IGF1R: variants seen among roughly 807,000 people sequenced by gnomAD.
IGF1R encodes insulin-like growth factor 1 receptor.
In IGF1R, 44 loss-of-function variants were observed where a neutral mutation model predicts 144.6. That is an observed-to-expected ratio of 0.30 (90% CI 0.24 to 0.39). The LOEUF is 0.39. Ranked by LOEUF, IGF1R falls within the 10% of genes least tolerant of loss-of-function variation. The pLI is 1.00. For synonymous variants in IGF1R, 795 were observed against 722.8 expected (o/e 1.10, Z -1.60); for missense variants, 1,355 against 1,833.7 (o/e 0.74, Z 4.77).
At chr15:98,683,529 G>C (rs1376064849) in intron 1 of IGF1R, among the ~76,000 whole-genome samples, 1 of 152,196 alleles carries the variant, frequency 6.6e-6, no homozygotes, top group Non-Finnish European at 1.5e-5. Flanking sequence ...GTTTTTAAGG[G>C]ATGAGGTAAT....
chr15:98,810,890 A>C (rs560216322), intron 2 of IGF1R, among the ~76,000 whole-genome samples: 9 of 152,246 alleles, frequency 5.9e-5, no homozygotes, highest in African/African-American at 2.2e-4. Context: ...TTGGCAAACT[A>C]CAGCCCATGC....
chr15:98,956,453 C>T (rs1287274233), intron 20 of IGF1R, among the ~76,000 whole-genome samples: 2 of 152,230 alleles, frequency 1.3e-5, no homozygotes, highest in Non-Finnish European at 2.9e-5. Flanking sequence ...CGAGCACGTG[C>T]TAGATGGAGA....
At chr15:98,829,719 T>C (rs968118628) in intron 2 of IGF1R, among the ~76,000 whole-genome samples, 4 of 152,238 alleles carry the variant, frequency 2.6e-5, no homozygotes, top group African/African-American at 4.8e-5. Context: ...GCAGCAATTA[T>C]GACCTTAAAA....
intron 20 of IGF1R, among the ~76,000 whole-genome samples, chr15:98,954,914 G>T (rs1479063771): frequency 6.6e-6 from 1 of 152,178 alleles, no homozygotes; most frequent in Admixed American, 6.5e-5. Flanking sequence ...GGACAGTTAG[G>T]TGAGGGAGGG....
chr15:98,797,281 G>T (rs753453238), intron 2 of IGF1R, among the ~76,000 whole-genome samples: 1 of 152,172 alleles, frequency 6.6e-6, no homozygotes, highest in East Asian at 1.9e-4. Flanking sequence ...GCTGCAGCCC[G>T]AGCCCCGTTT....
intron 2 of IGF1R, among the ~76,000 whole-genome samples, chr15:98,870,557 G>A (rs1292960713): frequency 6.6e-6 from 1 of 152,200 alleles, no homozygotes; most frequent in Admixed American, 6.5e-5. Flanking sequence ...CCAAGGAAAA[G>A]AAAACAGCCA....
At chr15:98,924,753 C>G (rs2015639971) in intron 13 of IGF1R, 69 bp downstream of exon 13, 4 of 1,368,142 alleles carry the variant, frequency 2.9e-6, no homozygotes, top group Non-Finnish European at 4.2e-6. Context: ...CAGGACAGCC[C>G]GAGTGTTCAT....
intron 2 of IGF1R, among the ~76,000 whole-genome samples, chr15:98,752,932 ATTTTTTTT>A (rs775327338): frequency 4.3e-5 from 3 of 70,114 alleles, no homozygotes; most frequent in Admixed American, 1.5e-4. Context: ...AAATCATACT[ATTTTTTTT>A]TTTTTTTTTT....
chr15:98,868,345 G>C (rs866545810), intron 2 of IGF1R, among the ~76,000 whole-genome samples: 10 of 22,506 alleles, frequency 4.4e-4, no homozygotes, highest in Middle Eastern at 0.033. Flanking sequence ...AAAAAAAAAA[G>C]CCAAATCTGT....
In IGF1R at chr15:98,825,762, T is replaced by A. The variant is rs76570430; in HGVS notation, c.641-65563T>A. On this transcript the variant is annotated intron_variant, in intron 2 of 20. Transcript: ENST00000650285. ...AATACAATGTAAATAGTTGTTATCA[T>A]GTATTATTAGGGAATAATGACAAGG... 7.1e-3 allele frequency among the ~76,000 whole-genome samples: 1,087 copies of A among 152,372 alleles called. 12 individuals are homozygous for A. Among genetic ancestry groups the A allele is most frequent in the African/African-American group, 0.023 (975 of 41,588 alleles).
At chr15:98,841,924 G>A (rs2011181485) in intron 2 of IGF1R, among the ~76,000 whole-genome samples, 1 of 152,222 alleles carries the variant, frequency 6.6e-6, no homozygotes, top group Admixed American at 6.5e-5. Flanking sequence ...CTCTCGAGGA[G>A]AACGGTTTTT....
intron 2 of IGF1R, among the ~76,000 whole-genome samples, chr15:98,848,798 A>G (rs1834003413): frequency 1.3e-5 from 2 of 152,228 alleles, no homozygotes; most frequent in African/African-American, 4.8e-5. Context: ...ATACAAATTT[A>G]TCATCATACA....
chr15:98,919,806 C>G (rs114962070), intron 10 of IGF1R, among the ~76,000 whole-genome samples: 2,476 of 152,292 alleles, frequency 0.016, 53 homozygotes, highest in African/African-American at 0.051. Context: ...GAAGGAGTGT[C>G]CAGCAGAGAG....
chr15:98,703,417 G>T (rs145275811), intron 1 of IGF1R, among the ~76,000 whole-genome samples: 1 of 152,160 alleles, frequency 6.6e-6, no homozygotes, highest in Admixed American at 6.5e-5. Context: ...CCTCCTGAAC[G>T]CTGCTATCAT....
In IGF1R at chr15:98,959,980, TG is replaced by T. The variant is rs1333458183; in HGVS notation, c.*2539del. The T allele has an allele frequency of 1.3e-5, 3 of 232,658 alleles. No homozygotes were observed. Among genetic ancestry groups the T allele is most frequent in the Non-Finnish European group, 1.7e-5 (2 of 117,764 alleles). The allele number at this position is 232,658 out of a possible 1,614,324, so 14.4% of individuals were successfully genotyped here. ...AAATTTCAAGGAAAGGGTGTGTGTG[TG>T]TGTATGTGTGGGGTGTGTGTGTGTG... On this transcript the variant is annotated 3_prime_UTR_variant, in exon 21 of 21. Coordinates refer to ENST00000650285, the MANE Select transcript of IGF1R (RefSeq NM_000875.5).
chr15:98,828,428 G>A (rs1311895692), intron 2 of IGF1R, among the ~76,000 whole-genome samples: 2 of 152,118 alleles, frequency 1.3e-5, no homozygotes, highest in African/African-American at 4.8e-5. Flanking sequence ...TGCACAGAGA[G>A]GTAGGGCAAG....
intron 2 of IGF1R, among the ~76,000 whole-genome samples, chr15:98,885,400 C>T (rs183878087): frequency 6.6e-5 from 10 of 152,332 alleles, no homozygotes; most frequent in Admixed American, 6.5e-4. Context: ...TCACCCCTCT[C>T]CCTTTCCTTC....
At chr15:98,915,940 A>G (rs2015223720) in intron 8 of IGF1R, 24 bp from the exon 9 acceptor site, 1 of 1,611,646 alleles carries the variant, frequency 6.2e-7, no homozygotes, top group African/African-American at 1.3e-5. Flanking sequence ...CATTTTCTAG[A>G]ATGTTCTTTG....
Position 98,960,214 on chromosome 15 carries a change from G to C in IGF1R, c.*2772G>C, listed in dbSNP as rs1693847075. On this transcript the variant is annotated 3_prime_UTR_variant, in exon 21 of 21. Coordinates refer to ENST00000650285, the MANE Select transcript of IGF1R (RefSeq NM_000875.5). ...CAGGGGGAAGCCAGGCTGTATTCCG[G>C]GGTCAAAGCAACACTAACTCACCTC... 4.3e-6 allele frequency: 1 copy of C among 233,568 alleles called. No individual in the cohort carries two copies. Among genetic ancestry groups the C allele is most frequent in the South Asian group, 1.8e-4 (1 of 5,538 alleles). 14.5% of individuals were successfully genotyped at this position (233,568 alleles called of 1,614,324 possible).
Sources: allele counts gnomAD v4.1 joint callset (sites outside exome capture counted in the v4.1 genomes callset), GRCh38; gene constraint gnomAD v4.1.1; transcripts MANE v1.5; gene names NCBI Gene and HGNC (gene_info 2026-07-23, HGNC 2026-07-21).